SLC6A18: variants seen among roughly 807,000 people sequenced by gnomAD.
SLC6A18 encodes inactive sodium-dependent neutral amino acid transporter B(0)AT3.
SLC6A18 carries 58 observed loss-of-function variants against 62.9 expected under a neutral mutation model. The observed-to-expected ratio is 0.92, with a 90% CI of 0.75 to 1.15. SLC6A18 has a LOEUF of 1.15. SLC6A18 is among the 50% of genes most tolerant of loss of function. The pLI, the probability that SLC6A18 is intolerant of heterozygous loss-of-function variation, is 0.00. For synonymous variants in SLC6A18, 382 were observed against 365.8 expected (o/e 1.04, Z -0.51); for missense variants, 793 against 836.6 (o/e 0.95, Z 0.64).
intron 7 of SLC6A18, 112 bp downstream of exon 7, chr5:1,240,771 G>A (rs1747035779): frequency 6.9e-6 from 10 of 1,454,392 alleles, no homozygotes; most frequent in South Asian, 2.5e-5. Context: ...TTTCATTTCT[G>A]TAGGGGTGTG....
At chr5:1,237,240 CAAAAAAAAAA>C (rs61528804) in intron 4 of SLC6A18, among the ~76,000 whole-genome samples, 1 of 76,468 alleles carries the variant, frequency 1.3e-5, no homozygotes, top group Non-Finnish European at 2.4e-5. Flanking sequence ...GACTCTGTCT[CAAAAAAAAAA>C]AAAAAAAAAA....
rs745801853 is a variant in SLC6A18, at chr5:1,235,537, A to G, written c.496A>G (p.Thr166Ala). 1 of 1,614,064 alleles carries G rather than the reference A, an allele frequency of 6.2e-7. No homozygotes were observed. The highest frequency in any genetic ancestry group is 1.1e-5 in the South Asian group (1 of 91,088). ...SAVSYFWYRQ[T>A]LNITADINDS... is the part of the protein sequence containing the mutation. ...CGTGAGCTACTTCTGGTACCGGCAGACACTGAACATCACAGCCGACATCAA... is the reference window on the plus strand; with the variant it reads ...CGTGAGCTACTTCTGGTACCGGCAGGCACTGAACATCACAGCCGACATCAA... The change falls in exon 4 of 12, where the codon ACA becomes GCA. Residue 166 changes from threonine to alanine, a missense_variant. Coordinates refer to ENST00000324642, the MANE Select transcript of SLC6A18 (RefSeq NM_182632.3).
chr5:1,244,177 T>TACCCC, intron 9 of SLC6A18, 37 bp from the exon 10 acceptor site: 1 of 387,122 alleles, frequency 2.6e-6, no homozygotes, highest in South Asian at 2.5e-5. Flanking sequence ...CCACTCCCCA[T>TACCCC]CCCCTTACCC....
At chr5:1,244,908 G>A (rs2126543987) in intron 11 of SLC6A18, 141 bp downstream of exon 11, 1 of 1,011,632 alleles carries the variant, frequency 9.9e-7, no homozygotes, top group Non-Finnish European at 1.4e-6. Flanking sequence ...ACTTCTGCCT[G>A]GCAAACTGGG....
At chr5:1,237,912 G>A (rs762744152) in intron 4 of SLC6A18, 38 bp from the exon 5 acceptor site, 77 of 1,510,872 alleles carry the variant, frequency 5.1e-5, no homozygotes, top group Non-Finnish European at 7.0e-5. Context: ...CAGACCAGAG[G>A]CCATTTCAAG....
chr5:1,233,465 G>C (rs1045289094), intron 3 of SLC6A18, among the ~76,000 whole-genome samples: 2 of 152,138 alleles, frequency 1.3e-5, no homozygotes, highest in African/African-American at 4.8e-5. Context: ...GTGACAGAGT[G>C]AGACTCTGTA....
At chr5:1,229,864 G>A (rs1579525174) in intron 1 of SLC6A18, among the ~76,000 whole-genome samples, 1 of 142,920 alleles carries the variant, frequency 7.0e-6, no homozygotes. Flanking sequence ...CTGGAGATGG[G>A]GGAGGGGAGA....
In SLC6A18 at chr5:1,245,852, T is replaced by A; in HGVS notation, c.1661T>A (p.Leu554Gln). The A allele has an allele frequency of 6.2e-7, 1 of 1,606,888 alleles. No homozygotes were observed. The change falls in exon 12 of 12, where the codon CTG (leucine) becomes CAG (glutamine). Residue 554 changes from leucine to glutamine, a missense_variant. Physicochemically the swap from Leu to Gln is moderately radical, Grantham distance 113. Coordinates refer to ENST00000324642, the MANE Select transcript of SLC6A18 (RefSeq NM_182632.3). ...AATGAGGCTGTGGTCCCGCAGGAGC[T>A]GTTCCCCTCGCGTCAGGAGAAGCTC... Reference protein sequence around the residue: ...RYKAWNPKYELFPSRQEKLYP... With the variant: ...RYKAWNPKYEQFPSRQEKLYP...
At position 1,244,296 on chromosome 5, in the gene SLC6A18, T is replaced by C. The variant is rs377210130; in HGVS notation, c.1419T>C (p.Asn473=). 22 of 1,613,668 alleles carry C rather than the reference T, an allele frequency of 1.4e-5. No individual in the cohort carries two copies. Among genetic ancestry groups the C allele is most frequent in the Non-Finnish European group, 1.9e-5 (22 of 1,179,888 alleles). ...SGNYWLEIFD[N]FAASPNLLML... Reference sequence around the variant, plus strand: ...ACTACTGGCTGGAGATTTTCGACAATTTTGCCGCTTCCCCGAACCTGCTCA... The same window carrying C: ...ACTACTGGCTGGAGATTTTCGACAACTTTGCCGCTTCCCCGAACCTGCTCA... The change falls in exon 10 of 12, where the codon AAT becomes AAC. Residue 473 remains asparagine, a synonymous_variant. Coordinates refer to ENST00000324642, the MANE Select transcript of SLC6A18 (RefSeq NM_182632.3).
chr5:1,229,592 G>T (rs12187821), intron 1 of SLC6A18, among the ~76,000 whole-genome samples: 28,284 of 152,140 alleles, frequency 0.19, 2,850 homozygotes, highest in African/African-American at 0.26. Context: ...GGAACCCGGA[G>T]CCCCTGCCCA....
intron 2 of SLC6A18, 90 bp downstream of exon 2, chr5:1,232,449 G>A (rs1247392949): frequency 2.0e-6 from 3 of 1,506,042 alleles, no homozygotes; most frequent in Non-Finnish European, 2.7e-6. Context: ...GTCCATGCCT[G>A]TGGTACGGAA....
intron 1 of SLC6A18, among the ~76,000 whole-genome samples, chr5:1,228,316 A>G (rs1746635615): frequency 6.6e-6 from 1 of 152,116 alleles, no homozygotes; most frequent in Non-Finnish European, 1.5e-5. Flanking sequence ...CTGGCACTGG[A>G]GCACCATCTG....
At chr5:1,240,270 G>C (rs1747018889) in intron 6 of SLC6A18, among the ~76,000 whole-genome samples, 1 of 152,278 alleles carries the variant, frequency 6.6e-6, no homozygotes, top group Non-Finnish European at 1.5e-5. Flanking sequence ...TCAGCTCCCT[G>C]TGGGCCTAAA....
intron 5 of SLC6A18, among the ~76,000 whole-genome samples, chr5:1,239,205 T>C (rs998001942): frequency 1.3e-5 from 2 of 152,258 alleles, no homozygotes; most frequent in Non-Finnish European, 2.9e-5. Context: ...TACGTTCTCA[T>C]GTGCGCCTGA....
At chr5:1,228,588 C>A (rs377111424) in intron 1 of SLC6A18, among the ~76,000 whole-genome samples, 87 of 152,356 alleles carry the variant, frequency 5.7e-4, no homozygotes, top group African/African-American at 2.0e-3. Flanking sequence ...TTCACAGCCA[C>A]CTTTCCCGTC....
rs959426943 is a variant in SLC6A18, at chr5:1,244,385, C to G, written c.1496+12C>G. On this transcript the variant is annotated intron_variant, in intron 10 of 11. Transcript: ENST00000324642. Reference sequence around the variant, plus strand: ...TATGGAATGAAACGGTGAGCTGCCGCCCCGCCGAGTGCTCCTCTGGGACCC... The same window carrying G: ...TATGGAATGAAACGGTGAGCTGCCGGCCCGCCGAGTGCTCCTCTGGGACCC... The G allele has an allele frequency of 1.2e-6, 2 of 1,613,574 alleles. No individual in the cohort carries two copies. The highest frequency in any genetic ancestry group is 8.5e-7 in the Non-Finnish European group (1 of 1,179,682).
intron 1 of SLC6A18, among the ~76,000 whole-genome samples, chr5:1,229,648 C>T (rs928828793): frequency 2.6e-5 from 4 of 152,234 alleles, no homozygotes; most frequent in Non-Finnish European, 5.9e-5. Flanking sequence ...TCCACCCGGC[C>T]ACTGTGCACC....
At chr5:1,244,481 T>C (rs1747161167) in intron 10 of SLC6A18, 108 bp downstream of exon 10, 2 of 1,559,698 alleles carry the variant, frequency 1.3e-6, no homozygotes, top group Non-Finnish European at 1.7e-6. Context: ...CCGAGAATGT[T>C]CTGCCCTGGG....
At position 1,243,114 on chromosome 5, in the gene SLC6A18, G is replaced by A. The variant is rs1442340162; in HGVS notation, c.1131+251G>A. Among the ~76,000 whole-genome samples the A allele has an allele frequency of 6.6e-6, 1 of 152,230 alleles. No homozygotes were observed. Among genetic ancestry groups the A allele is most frequent in the African/African-American group, 2.4e-5 (1 of 41,460 alleles). On this transcript the variant is annotated intron_variant, in intron 8 of 11. Transcript: ENST00000324642. This position sits in a 1 kb window ranked among gnomAD's most constrained non-coding sequence, Gnocchi z 6.5. Reference sequence around the variant, plus strand: ...TTGGGGGTTGGGCTGACCCGAGAGAGTGGGCATTGCTGGTGCCCAGACCCC... The same window carrying A: ...TTGGGGGTTGGGCTGACCCGAGAGAATGGGCATTGCTGGTGCCCAGACCCC...
Sources: allele counts gnomAD v4.1 joint callset (sites outside exome capture counted in the v4.1 genomes callset), GRCh38; gene constraint gnomAD v4.1.1; non-coding constraint Gnocchi (gnomAD v3.1); transcripts MANE v1.5; gene names NCBI Gene and HGNC (gene_info 2026-07-23, HGNC 2026-07-21).